The following CDH18 variants were observed in gnomAD, a reference collection of about 807,000 sequenced individuals.
CDH18 encodes the protein cadherin-18.
CDH18 carries 31 observed loss-of-function variants against 67.9 expected under a neutral mutation model. That is an observed-to-expected ratio of 0.46 (90% confidence interval 0.34 to 0.62). The LOEUF (loss-of-function observed/expected upper bound fraction) is 0.62, where lower values mean the gene tolerates loss of function less well. Ranked by LOEUF, CDH18 falls within the 20% of genes least tolerant of loss-of-function variation. CDH18 has a pLI of 0.01. For missense variants in CDH18, 890 were observed against 975.5 expected (o/e 0.91, Z 1.17); for synonymous variants, 362 against 347.2 (o/e 1.04, Z -0.48).
chr5:20,189,711 A>T (rs17224851), intron 2 of CDH18, among the ~76,000 whole-genome samples: 7 of 152,076 alleles, frequency 4.6e-5, no homozygotes, highest in Admixed American at 6.6e-5. Context: ...CCTAAGTCCA[A>T]TTTATACTAC....
chr5:20,159,642 C>T (rs984424243), intron 2 of CDH18, among the ~76,000 whole-genome samples: 2 of 151,960 alleles, frequency 1.3e-5, no homozygotes, highest in Non-Finnish European at 2.9e-5. Flanking sequence ...ATAAAATTCC[C>T]CATTGATGTT....
intron 1 of CDH18, among the ~76,000 whole-genome samples, chr5:20,525,876 G>A (rs1245369816): frequency 6.6e-6 from 1 of 151,614 alleles, no homozygotes; most frequent in Non-Finnish European, 1.5e-5. Flanking sequence ...CTCATCTTTA[G>A]CAATATTTTA....
chr5:20,431,045 C>T (rs1193893498), intron 1 of CDH18, among the ~76,000 whole-genome samples: 1 of 152,044 alleles, frequency 6.6e-6, no homozygotes, highest in Non-Finnish European at 1.5e-5. Context: ...TCTATATATG[C>T]TATGCATTTT....
At chr5:20,093,644 A>G (rs1745637384) in intron 2 of CDH18, among the ~76,000 whole-genome samples, 1 of 152,202 alleles carries the variant, frequency 6.6e-6, no homozygotes, top group Admixed American at 6.5e-5. Flanking sequence ...TAAATTTCAG[A>G]AAAATAAATA....
At chr5:20,339,122 G>A (rs758624406) in intron 1 of CDH18, among the ~76,000 whole-genome samples, 1 of 152,086 alleles carries the variant, frequency 6.6e-6, no homozygotes. Flanking sequence ...TTTCTGGATA[G>A]GCTGCTTTTT....
intron 1 of CDH18, among the ~76,000 whole-genome samples, chr5:20,468,184 T>C (rs1158541052): frequency 1.3e-5 from 2 of 151,992 alleles, no homozygotes; most frequent in East Asian, 3.9e-4. Flanking sequence ...CCAGCTAATT[T>C]TTGTATCTTT....
chr5:20,470,901 G>A (rs1390817408), intron 1 of CDH18, among the ~76,000 whole-genome samples: 2 of 152,276 alleles, frequency 1.3e-5, no homozygotes, highest in African/African-American at 2.4e-5. Context: ...TATCTCCAAT[G>A]TCACAAATTT....
chr5:19,675,639 T>A (rs1361036190), intron 5 of CDH18, among the ~76,000 whole-genome samples: 1 of 152,144 alleles, frequency 6.6e-6, no homozygotes, highest in Non-Finnish European at 1.5e-5. Flanking sequence ...TGTTCTTTTT[T>A]CAAGGTGCCC....
chr5:20,555,599 C>T (rs2126633171), intron 1 of CDH18, among the ~76,000 whole-genome samples: 1 of 151,978 alleles, frequency 6.6e-6, no homozygotes, highest in Admixed American at 6.6e-5. Flanking sequence ...CACATGCCAC[C>T]ACACACAGAC....
chr5:19,606,180 T>A (rs1245879961), intron 6 of CDH18, among the ~76,000 whole-genome samples: 1 of 151,674 alleles, frequency 6.6e-6, no homozygotes, highest in Non-Finnish European at 1.5e-5. Flanking sequence ...ATCCAACTGA[T>A]TTAAGTAATC....
chr5:20,291,891 T>C (rs1747131898), intron 1 of CDH18, among the ~76,000 whole-genome samples: 1 of 152,212 alleles, frequency 6.6e-6, no homozygotes, highest in Admixed American at 6.5e-5. Flanking sequence ...ATGTCTCCTC[T>C]GGCCCTACTG....
chr5:19,616,301 T>G (rs1461262433), intron 5 of CDH18, among the ~76,000 whole-genome samples: 6 of 151,872 alleles, frequency 4.0e-5, no homozygotes, highest in Admixed American at 1.3e-4. Context: ...CACAGATACA[T>G]ACATTGATTC....
intron 2 of CDH18, among the ~76,000 whole-genome samples, chr5:19,938,084 T>G (rs553216092): frequency 2.0e-5 from 3 of 149,162 alleles, no homozygotes; most frequent in Non-Finnish European, 3.0e-5. Flanking sequence ...ATACATAGAC[T>G]TTTTTTGGGA....
Position 19,890,784 on chromosome 5 carries a change from G to A in CDH18, c.-256-51542C>T, listed in dbSNP as rs1454016336. 4.6e-5 allele frequency among the ~76,000 whole-genome samples: 7 copies of A among 151,740 alleles called. No individual in the cohort carries two copies. The South Asian group carries it at 1.0e-3, about 23-fold the overall frequency. ...TAATTTTTGTATTTTTATTAGAGACGGGGTTTCACCATGTTGGCCAGGCTG... is the reference window on the plus strand; with the variant it reads ...TAATTTTTGTATTTTTATTAGAGACAGGGTTTCACCATGTTGGCCAGGCTG... On this transcript the variant is annotated intron_variant, in intron 2 of 12. Coordinates refer to ENST00000382275, the MANE Select transcript of CDH18 (RefSeq NM_004934.5).
Position 19,960,701 on chromosome 5 carries a change from ATGTATATATG to A in CDH18, c.-257+20349_-257+20358del, listed in dbSNP as rs1341957307. On this transcript the variant is annotated intron_variant, in intron 2 of 12. Transcript: ENST00000382275. ...TATGTATACATATACACGTGTATATATGTATATATGTATACACGTGTATATACGTATATAC... is the reference window on the plus strand; with the variant it reads ...TATGTATACATATACACGTGTATATATATACACGTGTATATACGTATATAC... Among the ~76,000 whole-genome samples the A allele has an allele frequency of 4.4e-3, 578 of 132,348 alleles. 31 individuals are homozygous for A. The highest frequency in any genetic ancestry group is 0.02 in the African/African-American group (534 of 26,472). The allele number at this position is 132,348 out of a possible 152,430, so 86.8% of individuals were successfully genotyped here.
chr5:19,926,488 A>G (rs531609769), intron 2 of CDH18, among the ~76,000 whole-genome samples: 4 of 152,258 alleles, frequency 2.6e-5, no homozygotes, highest in East Asian at 3.9e-4. Context: ...AAATATTCTC[A>G]ATTTTGTAAA....
chr5:20,222,682 T>C (rs1741321676), intron 2 of CDH18, among the ~76,000 whole-genome samples: 1 of 152,028 alleles, frequency 6.6e-6, no homozygotes, highest in African/African-American at 2.4e-5. Context: ...CAGCCTTTTT[T>C]TTTTCAATAG....
At chr5:19,967,313 T>C (rs1579856910) in intron 2 of CDH18, among the ~76,000 whole-genome samples, 1 of 152,168 alleles carries the variant, frequency 6.6e-6, no homozygotes, top group South Asian at 2.1e-4. Context: ...CTTAAAGAAA[T>C]CATGGTGATT....
chr5:20,496,482 A>T (rs1163750048), intron 1 of CDH18, among the ~76,000 whole-genome samples: 1 of 152,200 alleles, frequency 6.6e-6, no homozygotes, highest in African/African-American at 2.4e-5. Flanking sequence ...AATATTTTAC[A>T]CATAGAATTG....
Sources: gnomAD v4.1 joint callset for allele counts (sites outside exome capture counted in the v4.1 genomes callset) on GRCh38, gnomAD v4.1.1 for gene constraint, MANE v1.5 for transcripts, NCBI Gene and HGNC (gene_info 2026-07-23, HGNC 2026-07-21) for gene names.